Variants in KIAA1217 observed in about 807,000 individuals in gnomAD.
KIAA1217 encodes the protein sickle tail protein homolog.
KIAA1217 carries 88 observed loss-of-function variants against 163.9 expected under a neutral mutation model. That is an observed-to-expected ratio of 0.54 (90% CI 0.45 to 0.64). The LOEUF is 0.64. Ranked by LOEUF, KIAA1217 falls within the 30% of genes least tolerant of loss-of-function variation. The pLI, the probability that KIAA1217 is intolerant of heterozygous loss-of-function variation, is 0.00. For synonymous variants in KIAA1217, 903 were observed against 923.1 expected, an observed-to-expected ratio of 0.98 and a Z score of 0.39; for missense variants, 2,372 against 2,475.0, an observed-to-expected ratio of 0.96 and a Z score of 0.88.
chr10:23,723,490 A>G (rs1837973040), intron 1 of KIAA1217, among the ~76,000 whole-genome samples: 1 of 152,226 alleles, frequency 6.6e-6, no homozygotes, highest in African/African-American at 2.4e-5. Context: ...CTTCTAAGAA[A>G]AAAACAAGTA....
chr10:23,937,122 G>A (rs1564548055), intron 1 of KIAA1217, among the ~76,000 whole-genome samples: 1 of 152,236 alleles, frequency 6.6e-6, no homozygotes, highest in South Asian at 2.1e-4. Flanking sequence ...TGATCTGCAC[G>A]CCTTGGCCTC....
intron 1 of KIAA1217, among the ~76,000 whole-genome samples, chr10:23,735,527 C>A (rs1838743638): frequency 6.6e-6 from 1 of 151,526 alleles, no homozygotes; most frequent in African/African-American, 2.4e-5. Context: ...ATATTTTTTT[C>A]TAATTATTAA....
rs531086068 is a variant in KIAA1217 at position 24,385,286 on chromosome 10, T to G, written c.553+4219T>G. Among the ~76,000 whole-genome samples, 6 of 152,322 alleles carry G rather than the reference T, an allele frequency of 3.9e-5. No homozygotes were observed. The South Asian group carries it at 1.2e-3, about 32-fold the overall frequency. On this transcript the variant is annotated intron_variant, in intron 3 of 20. Transcript: ENST00000376454. ...TAAGTCCTCATTTCTATTGCTTCAG[T>G]GTATTTGGGGGCTGGGAGAAATGCA...
In KIAA1217 at chr10:24,528,117, C is replaced by G; in HGVS notation, c.3080C>G (p.Ser1027Ter). Residue 1027 changes from serine to a stop codon, truncating the protein, a stop_gained and splice_region_variant, in exon 14 of 21, where the codon TCA becomes TGA. Coordinates refer to ENST00000376454, the MANE Select transcript of KIAA1217 (RefSeq NM_019590.5). LOFTEE classifies it high-confidence loss of function. ...GDAPVDKVELSEDSPNSEQDL... is the reference protein window; with the variant it reads ...GDAPVDKVEL ...GCCCCAGTGGACAAGGTGGAACTTTCAGGTAAGTTCCGGTCCCACAGCAGG... is the reference window on the plus strand; with the variant it reads ...GCCCCAGTGGACAAGGTGGAACTTTGAGGTAAGTTCCGGTCCCACAGCAGG... 1 of 1,613,684 alleles carries G rather than the reference C, an allele frequency of 6.2e-7. No homozygotes were observed. Among genetic ancestry groups the G allele is most frequent in the Non-Finnish European group, 8.5e-7 (1 of 1,179,802 alleles).
intron 1 of KIAA1217, among the ~76,000 whole-genome samples, chr10:23,858,528 C>G (rs1315428115): frequency 6.6e-6 from 1 of 151,776 alleles, no homozygotes; most frequent in Non-Finnish European, 1.5e-5. Flanking sequence ...ATACACATGT[C>G]TATAGCAGAT....
At chr10:24,257,875 T>G (rs995876600) in intron 2 of KIAA1217, among the ~76,000 whole-genome samples, 3 of 152,106 alleles carry the variant, frequency 2.0e-5, no homozygotes, top group Non-Finnish European at 2.9e-5. Context: ...TAGGCCCCAG[T>G]GTTTTATTTT....
At chr10:24,284,559 G>T (rs1248674675) in intron 2 of KIAA1217, among the ~76,000 whole-genome samples, 1 of 152,140 alleles carries the variant, frequency 6.6e-6, no homozygotes, top group Non-Finnish European at 1.5e-5. Context: ...CACGATTTTG[G>T]TTTTTTAAAA....
intron 1 of KIAA1217, among the ~76,000 whole-genome samples, chr10:23,819,841 C>A (rs1837536608): frequency 6.6e-6 from 1 of 152,130 alleles, no homozygotes; most frequent in African/African-American, 2.4e-5. Flanking sequence ...GAATTCAGTG[C>A]CACCTGAGTC....
At chr10:24,134,223 G>A (rs1391794539) in intron 2 of KIAA1217, among the ~76,000 whole-genome samples, 2 of 152,200 alleles carry the variant, frequency 1.3e-5, no homozygotes, top group Non-Finnish European at 2.9e-5. Flanking sequence ...ATGGGCTAGT[G>A]GAGGAGAGGT....
At chr10:23,844,076 T>C (rs1027980368) in intron 1 of KIAA1217, among the ~76,000 whole-genome samples, 1 of 152,006 alleles carries the variant, frequency 6.6e-6, no homozygotes, top group African/African-American at 2.4e-5. Context: ...TAAATGAGGA[T>C]TTTACTGCTT....
intron 1 of KIAA1217, among the ~76,000 whole-genome samples, chr10:23,717,862 AG>A (rs1837662860): frequency 6.6e-6 from 1 of 152,188 alleles, no homozygotes; most frequent in African/African-American, 2.4e-5. Context: ...GTTCAGGAAA[AG>A]TTCAGTTCAT....
At position 24,095,929 on chromosome 10, in the gene KIAA1217, G is replaced by T. The variant is rs75405364; in HGVS notation, c.-171+88555G>T. ...GAGGCCAGGCTGAAAAACATAATGA[G>T]ACCTGTCTCCGAAAAACAAAAAGTT... On this transcript the variant is annotated intron_variant, in intron 2 of 18. Transcript: ENST00000376462. Among the ~76,000 whole-genome samples the T allele has an allele frequency of 9.6e-4, 146 of 152,202 alleles. 3 individuals are homozygous for T. The East Asian group carries it at 0.023, about 24-fold the overall frequency.
intron 2 of KIAA1217, among the ~76,000 whole-genome samples, chr10:24,115,861 A>T (rs1483300597): frequency 6.6e-6 from 1 of 152,182 alleles, no homozygotes; most frequent in African/African-American, 2.4e-5. Context: ...GAGTACAGTC[A>T]TCTTTCCATG....
chr10:24,311,767 GA>G (rs201397048), intron 2 of KIAA1217, among the ~76,000 whole-genome samples: 18 of 151,582 alleles, frequency 1.2e-4, no homozygotes, highest in African/African-American at 3.6e-4. Flanking sequence ...GCTTTCTTGG[GA>G]AAAAAAAGTC....
At chr10:23,735,230 T>A (rs886743379) in intron 1 of KIAA1217, among the ~76,000 whole-genome samples, 2 of 151,876 alleles carry the variant, frequency 1.3e-5, no homozygotes, top group Non-Finnish European at 2.9e-5. Flanking sequence ...TGTATTATTT[T>A]ATTTATTTAT....
chr10:23,734,229 G>A (rs922539742), intron 1 of KIAA1217, among the ~76,000 whole-genome samples: 8 of 151,384 alleles, frequency 5.3e-5, no homozygotes. Flanking sequence ...TCCCTTCATT[G>A]GAAAGCACTA....
intron 2 of KIAA1217, among the ~76,000 whole-genome samples, chr10:24,057,979 G>C (rs1685969017): frequency 6.6e-6 from 1 of 152,122 alleles, no homozygotes; most frequent in Non-Finnish European, 1.5e-5. Flanking sequence ...CATTGCTGAG[G>C]CCAATGTCAT....
rs552364138 is a variant in KIAA1217, at chr10:23,982,135, G to A, written c.-320-25090G>A. Among the ~76,000 whole-genome samples the A allele has an allele frequency of 1.4e-4, 22 of 152,016 alleles. No homozygotes were observed. The Middle Eastern group carries it at 0.021, about 142-fold the overall frequency. On this transcript the variant is annotated intron_variant, in intron 1 of 18. Coordinates refer to the KIAA1217 transcript ENST00000376462. ...CTGTAATAATAATAGTGCCCCTAGT[G>A]ACATAGTGCAGTACTATTTTCAAAT...
At chr10:23,702,161 A>G (rs1210675963) in intron 1 of KIAA1217, among the ~76,000 whole-genome samples, 2 of 152,174 alleles carry the variant, frequency 1.3e-5, no homozygotes, top group Non-Finnish European at 2.9e-5. Context: ...CAGCATATCT[A>G]TGAGAAATTC....
Sources: allele counts gnomAD v4.1 joint callset (sites outside exome capture counted in the v4.1 genomes callset), GRCh38; gene constraint gnomAD v4.1.1; transcripts MANE v1.5; gene names NCBI Gene and HGNC (gene_info 2026-07-23, HGNC 2026-07-21).